The following BCL11A variants were observed in gnomAD, a reference collection of about 807,000 sequenced individuals.
The protein encoded by BCL11A is B cell CLL/lymphoma 11A.
A neutral mutation model predicts 55.9 loss-of-function variants in BCL11A; 2 were observed. The observed-to-expected ratio is 0.04, with a 90% confidence interval of 0.01 to 0.11. The LOEUF is 0.11. Among genes scored for constraint, BCL11A ranks in the 10% least tolerant of loss-of-function variants. The pLI is 1.00. For synonymous variants in BCL11A, 465 were observed against 473.4 expected (o/e 0.98, Z 0.23); for missense variants, 817 against 1,137.1 (o/e 0.72, Z 4.05).
At chr2:60,470,338 G>A (rs1040228686) in intron 2 of BCL11A, among the ~76,000 whole-genome samples, 1 of 152,216 alleles carries the variant, frequency 6.6e-6, no homozygotes, top group Non-Finnish European at 1.5e-5. Context: ...TACGTCAAGT[G>A]AATTGAGAGT....
chr2:60,467,252 A>AGGTGG (rs1676741820), intron 3 of BCL11A, among the ~76,000 whole-genome samples: 1 of 27,176 alleles, frequency 3.7e-5, no homozygotes. Flanking sequence ...GGTGGTGGTA[A>AGGTGG]TGGTGGTGGT....
chr2:60,520,379 T>A (rs540128328), intron 2 of BCL11A, among the ~76,000 whole-genome samples: 1 of 152,322 alleles, frequency 6.6e-6, no homozygotes, highest in South Asian at 2.1e-4. Context: ...AACTGAATTA[T>A]TTGCATAATG....
chr2:60,549,252 A>G (rs1420077362), intron 1 of BCL11A, among the ~76,000 whole-genome samples: 2 of 152,218 alleles, frequency 1.3e-5, no homozygotes. Flanking sequence ...TTGCAAAAGA[A>G]TAAATTTAAG....
chr2:60,490,045 T>A (rs577356691), intron 2 of BCL11A, among the ~76,000 whole-genome samples: 13 of 152,168 alleles, frequency 8.5e-5, no homozygotes, highest in Admixed American at 7.9e-4. Context: ...CCATCTGCAA[T>A]GGGGGCAAAG....
At chr2:60,517,408 A>G (rs542445105) in intron 2 of BCL11A, among the ~76,000 whole-genome samples, 1 of 152,364 alleles carries the variant, frequency 6.6e-6, no homozygotes, top group Non-Finnish European at 1.5e-5. Flanking sequence ...AGGGAAAGGA[A>G]CAAGGCAAGA....
intron 2 of BCL11A, among the ~76,000 whole-genome samples, chr2:60,503,284 A>G (rs1374667255): frequency 6.6e-6 from 1 of 152,104 alleles, no homozygotes; most frequent in Non-Finnish European, 1.5e-5. Flanking sequence ...CAACCAGGAG[A>G]CCCAAGACAG....
chr2:60,546,183 C>T lies in BCL11A; in HGVS notation c.173G>A (p.Gly58Glu). Residue 58 changes from glycine (G) to glutamate (E), a missense_variant, in exon 2 of 4, where the codon GGG becomes GAG. By Grantham distance (98) the Gly-to-Glu change is moderately conservative. This residue lies in a region of BCL11A where 363 missense variants were observed against 486.6 expected (regional missense o/e 0.75). Transcript: ENST00000642384. This position sits in a 1 kb window ranked among gnomAD's most constrained non-coding sequence, Gnocchi z 4.1. ...GTGCTCGATAAAAATAAGAATGTCC[C>T]CCAATGGGAAGTTCATCTGGCACTG... ...CGQCQMNFPL[G>E]DILIFIEHKR... The T allele has an allele frequency of 6.2e-7, 1 of 1,614,172 alleles. No individual in the cohort carries two copies. Among genetic ancestry groups the T allele is most frequent in the Non-Finnish European group, 8.5e-7 (1 of 1,180,028 alleles).
intron 2 of BCL11A, among the ~76,000 whole-genome samples, chr2:60,483,603 G>A (rs11692396): frequency 0.64 from 97,786 of 152,218 alleles, 33,218 homozygotes; most frequent in African/African-American, 0.75. Flanking sequence ...GAATGCTGCA[G>A]TTGTCAGAAA....
chr2:60,527,962 T>G (rs1669277793), intron 2 of BCL11A: 1 of 152,212 alleles, frequency 6.6e-6, no homozygotes, highest in South Asian at 2.1e-4. Context: ...GCTGAAAACT[T>G]GCCTCTGGGG....
At chr2:60,551,384 A>T (rs1209952828) in intron 1 of BCL11A, among the ~76,000 whole-genome samples, 1 of 152,184 alleles carries the variant, frequency 6.6e-6, no homozygotes, top group Non-Finnish European at 1.5e-5. Context: ...CAGCGCCCTT[A>T]AAATGCACAC....
intron 1 of BCL11A, among the ~76,000 whole-genome samples, chr2:60,547,550 G>T (rs989971869): frequency 6.6e-6 from 1 of 151,214 alleles, no homozygotes; most frequent in African/African-American, 2.4e-5. Flanking sequence ...AAACATCCAG[G>T]ATGCTGCCAG....
chr2:60,481,968 T>C (rs1268699487), intron 2 of BCL11A, among the ~76,000 whole-genome samples: 2 of 152,196 alleles, frequency 1.3e-5, no homozygotes, highest in Non-Finnish European at 2.9e-5. Flanking sequence ...ACCTCTGGTC[T>C]GTTCTAGTCC....
At chr2:60,481,924 G>T (rs1397112360) in intron 2 of BCL11A, among the ~76,000 whole-genome samples, 2 of 152,156 alleles carry the variant, frequency 1.3e-5, no homozygotes, top group African/African-American at 4.8e-5. Context: ...CTCCAGCTCA[G>T]GAAACCCACC....
chr2:60,552,647 T>C (rs1001551970), intron 1 of BCL11A, among the ~76,000 whole-genome samples: 3 of 152,178 alleles, frequency 2.0e-5, no homozygotes, highest in African/African-American at 7.2e-5. Context: ...CTCACTATTG[T>C]GGGGATGACT....
chr2:60,535,202 C>G (rs1669615617), intron 2 of BCL11A: 1 of 152,236 alleles, frequency 6.6e-6, no homozygotes, highest in African/African-American at 2.4e-5. Context: ...TAAAGAAGTG[C>G]TTAAAATTCA....
intron 3 of BCL11A, among the ~76,000 whole-genome samples, chr2:60,467,149 G>GAT (rs1558618262): frequency 8.5e-5 from 11 of 129,570 alleles, no homozygotes; most frequent in Non-Finnish European, 1.6e-5. Context: ...TGGTGGTGAT[G>GAT]GTGGTGGTGG....
downstream of BCL11A, chr2:60,452,546 C>T (rs756810180): frequency 1.9e-6 from 3 of 1,591,756 alleles, no homozygotes; most frequent in Admixed American, 5.0e-5. Flanking sequence ...GGCACGCGTC[C>T]ACCCCACCCC....
chr2:60,493,550 A>G (rs1678773214), intron 2 of BCL11A, among the ~76,000 whole-genome samples: 1 of 152,202 alleles, frequency 6.6e-6, no homozygotes. Flanking sequence ...AAGAGACCCC[A>G]AAACATTCTT....
intron 2 of BCL11A, among the ~76,000 whole-genome samples, chr2:60,491,643 C>T (rs1678639170): frequency 6.6e-6 from 1 of 151,518 alleles, no homozygotes; most frequent in Non-Finnish European, 1.5e-5. Flanking sequence ...TGCATTCCAG[C>T]CCGGGCAACA....
Sources: gnomAD v4.1 joint callset for allele counts (sites outside exome capture counted in the v4.1 genomes callset) on GRCh38, gnomAD v4.1.1 for gene constraint, gnomAD v4.1.1 regional missense constraint, Gnocchi (gnomAD v3.1) non-coding constraint, MANE v1.5 for transcripts, NCBI Gene and HGNC (gene_info 2026-07-23, HGNC 2026-07-21) for gene names.